ZNF790: variants seen among roughly 807,000 people sequenced by gnomAD.
The protein encoded by ZNF790 is zinc finger protein 790.
A neutral mutation model predicts 12.1 loss-of-function variants in ZNF790; 8 were observed. That is an observed-to-expected ratio of 0.66 (90% confidence interval 0.39 to 1.19). The LOEUF is 1.19. ZNF790 is among the 50% of genes most tolerant of loss of function. The pLI, the probability that ZNF790 is intolerant of heterozygous loss-of-function variation, is 0.01. For missense variants in ZNF790, 707 were observed against 752.2 expected, an observed-to-expected ratio of 0.94 and a Z score of 0.70; for synonymous variants, 252 against 244.3, an observed-to-expected ratio of 1.03 and a Z score of -0.29.
chr19:36,819,407 T>TA lies in ZNF790; in HGVS notation c.936dup (p.Asn313Ter). 1 of 1,611,462 alleles carries TA rather than the reference T, an allele frequency of 6.2e-7. No individual in the cohort carries two copies. Among genetic ancestry groups the TA allele is most frequent in the Non-Finnish European group, 8.5e-7 (1 of 1,178,298 alleles). On this transcript the variant is annotated frameshift_variant, in exon 5 of 5. Transcript: ENST00000356725. LOFTEE classifies it low-confidence loss of function (END_TRUNC). ...TGACTAAAGGCCTTTCTACATTCAT[T>TA]ACATTCATAGGGTTTTTCACCAGTA...
intron 1 of ZNF790, among the ~76,000 whole-genome samples, chr19:36,837,464 A>G (rs987834282): frequency 1.3e-5 from 2 of 151,788 alleles, no homozygotes; most frequent in African/African-American, 2.4e-5. Flanking sequence ...TCCCTCCACA[A>G]ACTCTAGTTT....
intron 1 of ZNF790, among the ~76,000 whole-genome samples, chr19:36,844,845 G>A (rs945129790): frequency 2.7e-5 from 4 of 150,856 alleles, no homozygotes; most frequent in South Asian, 2.1e-4. Flanking sequence ...TCAGGAGATC[G>A]AGACCATCCC....
At chr19:36,832,318 G>C (rs1043157746) in intron 1 of ZNF790, among the ~76,000 whole-genome samples, 2 of 152,198 alleles carry the variant, frequency 1.3e-5, no homozygotes, top group Non-Finnish European at 2.9e-5. Flanking sequence ...CCAGTATGTG[G>C]TATTCACAAC....
Position 36,827,141 on chromosome 19 carries a change from C to T in ZNF790, c.-73-1449G>A, listed in dbSNP as rs59620183. ...ATACACACACACACACACACACACA[C>T]ATATATATATATATATATATATATA... On this transcript the variant is annotated intron_variant, in intron 1 of 4. Coordinates refer to ENST00000356725, the MANE Select transcript of ZNF790 (RefSeq NM_206894.4). 5.9e-3 allele frequency among the ~76,000 whole-genome samples: 499 copies of T among 84,374 alleles called. 7 individuals are homozygous for T. The highest frequency in any genetic ancestry group is 0.021 in the African/African-American group (381 of 18,120). The allele number at this position is 84,374 out of a possible 152,430, so 55.4% of individuals were successfully genotyped here. A position where few individuals can be genotyped will look rare whatever the true frequency, so the allele number is the denominator to read the frequency against.
chr19:36,820,765 G>A (rs968953126), intron 4 of ZNF790, among the ~76,000 whole-genome samples: 2 of 152,024 alleles, frequency 1.3e-5, no homozygotes, highest in African/African-American at 2.4e-5. Flanking sequence ...GAGTGGTGGT[G>A]CATGCCTGTG....
chr19:36,818,682 TTTC>T lies in ZNF790; in HGVS notation c.1659_1661del (p.Lys554del). 2 of 1,613,656 alleles carry T rather than the reference TTTC, an allele frequency of 1.2e-6. No individual in the cohort carries two copies. The highest frequency in any genetic ancestry group is 1.7e-6 in the Non-Finnish European group (2 of 1,179,864). On this transcript the variant is annotated inframe_deletion, in exon 5 of 5. Coordinates refer to ENST00000356725, the MANE Select transcript of ZNF790 (RefSeq NM_206894.4). ...CATAAGGTTCTGCATCAGTATGAAT[TTTC>T]TTATGTCGTGTAAGCTGTGAACCCC...
At chr19:36,827,141 C>CACACACATATATATAT (rs1313807327) in intron 1 of ZNF790, among the ~76,000 whole-genome samples, 10 of 84,436 alleles carry the variant, frequency 1.2e-4, no homozygotes, top group African/African-American at 5.0e-4. Flanking sequence ...CACACACACA[C>CACACACATATATATAT]ATATATATAT....
At position 36,819,071 on chromosome 19, in the gene ZNF790, T is replaced by C. The variant is rs760067575; in HGVS notation, c.1273A>G (p.Lys425Glu). 1.5e-5 allele frequency: 25 copies of C among 1,613,958 alleles called. No homozygotes were observed. In the East Asian group the frequency reaches 5.3e-4, roughly 35 times the overall value. ...CAAGTAAAAGTCTTCCCGCATTGCT[T>C]ACATTCATAAGGTTTCCTGCCAGTA... ...IHTGRKPYEC[K>E]QCGKTFTWAS... Residue 425 changes from lysine to glutamate, a missense_variant, in exon 5 of 5, where the codon AAG becomes GAG. Coordinates refer to ENST00000356725, the MANE Select transcript of ZNF790 (RefSeq NM_206894.4).
At chr19:36,844,025 A>AAT (rs1568344452) in intron 1 of ZNF790, among the ~76,000 whole-genome samples, 74 of 131,036 alleles carry the variant, frequency 5.6e-4, no homozygotes, top group Middle Eastern at 4.0e-3. Context: ...AAAAAAAATT[A>AAT]AAAAAAAAAA....
intron 1 of ZNF790, among the ~76,000 whole-genome samples, chr19:36,834,010 AGGC>A (rs1356118028): frequency 6.6e-6 from 1 of 152,138 alleles, no homozygotes; most frequent in Non-Finnish European, 1.5e-5. Flanking sequence ...TGGAAGGCTG[AGGC>A]GGGTGGATCA....
intron 1 of ZNF790, among the ~76,000 whole-genome samples, chr19:36,835,260 G>A (rs1192842473): frequency 1.3e-5 from 2 of 152,064 alleles, no homozygotes; most frequent in African/African-American, 4.8e-5. Flanking sequence ...CAGCCTGGGC[G>A]ACAGAGGGAG....
chr19:36,832,640 C>T (rs960572201), intron 1 of ZNF790, among the ~76,000 whole-genome samples: 1 of 152,114 alleles, frequency 6.6e-6, no homozygotes, highest in African/African-American at 2.4e-5. Flanking sequence ...GTGACTGCAA[C>T]CTCAAGAGAC....
intron 1 of ZNF790, among the ~76,000 whole-genome samples, chr19:36,836,258 C>G (rs1444103260): frequency 6.6e-6 from 1 of 152,126 alleles, no homozygotes; most frequent in African/African-American, 2.4e-5. Flanking sequence ...CCCTTTCCCC[C>G]ACTTAGTTGC....
chr19:36,832,152 G>C (rs2071956462), intron 1 of ZNF790, among the ~76,000 whole-genome samples: 1 of 152,174 alleles, frequency 6.6e-6, no homozygotes, highest in South Asian at 2.1e-4. Flanking sequence ...TGTTTCAGAA[G>C]AAGCTACTAG....
intron 1 of ZNF790, among the ~76,000 whole-genome samples, chr19:36,845,540 CA>C (rs1446569629): frequency 6.6e-6 from 1 of 151,826 alleles, no homozygotes; most frequent in Admixed American, 6.6e-5. Flanking sequence ...AATTAAATAA[CA>C]AAAATAAAGC....
At chr19:36,836,214 T>C (rs2146079184) in intron 1 of ZNF790, among the ~76,000 whole-genome samples, 1 of 152,228 alleles carries the variant, frequency 6.6e-6, no homozygotes. Flanking sequence ...CCTGCTTGGA[T>C]AGATGATGCC....
At chr19:36,827,141 C>CACATATATATATATATAT (rs1313807327) in intron 1 of ZNF790, among the ~76,000 whole-genome samples, 5 of 84,440 alleles carry the variant, frequency 5.9e-5, no homozygotes, top group Admixed American at 1.4e-4. Flanking sequence ...CACACACACA[C>CACATATATATATATATAT]ATATATATAT....
chr19:36,826,634 A>G (rs2071809363), intron 1 of ZNF790, among the ~76,000 whole-genome samples: 1 of 147,328 alleles, frequency 6.8e-6, no homozygotes, highest in African/African-American at 2.5e-5. Context: ...AATTATATAT[A>G]TAATAAAAAT....
chr19:36,823,581 C>G, intron 3 of ZNF790, 86 bp downstream of exon 3: 1 of 1,538,858 alleles, frequency 6.5e-7, no homozygotes, highest in South Asian at 1.2e-5. Flanking sequence ...AAACAAAGGT[C>G]AGAAGTTACC....
Sources: allele counts gnomAD v4.1 joint callset (sites outside exome capture counted in the v4.1 genomes callset), GRCh38; gene constraint gnomAD v4.1.1; transcripts MANE v1.5; gene names NCBI Gene and HGNC (gene_info 2026-07-23, HGNC 2026-07-21).